The following DSE variants were observed in gnomAD, a reference collection of about 807,000 sequenced individuals.
DSE encodes the protein dermatan-sulfate epimerase.
In DSE, 36 loss-of-function variants were observed where a neutral mutation model predicts 84.4. That is an observed-to-expected ratio of 0.43 (90% CI 0.33 to 0.56). The LOEUF (loss-of-function observed/expected upper bound fraction) is 0.56. Ranked by LOEUF, DSE falls within the 20% of genes least tolerant of loss-of-function variation. DSE has a pLI of 0.06. For missense variants in DSE, 862 were observed against 1,169.6 expected, an observed-to-expected ratio of 0.74 and a Z score of 3.84; for synonymous variants, 410 against 430.1, an observed-to-expected ratio of 0.95 and a Z score of 0.58.
rs940358177 is a variant in DSE at position 116,371,462 on chromosome 6, C to A, written c.-54+341C>A. Among the ~76,000 whole-genome samples the A allele has an allele frequency of 2.6e-5, 4 of 152,362 alleles. No homozygotes were observed. The South Asian group carries it at 8.3e-4, about 32-fold the overall frequency. ...CATTCCGTGCGTCGGATCTGGCCGG[C>A]CCAGCCGCGATTTCCTCGACGGTCC... On this transcript the variant is annotated intron_variant, in intron 1 of 5. Coordinates refer to ENST00000644252, the MANE Select transcript of DSE (RefSeq NM_013352.4).
At chr6:116,416,349 C>CTGTGTGTGTGTGTGTGTG (rs59237926) in intron 2 of DSE, among the ~76,000 whole-genome samples, 46 of 134,038 alleles carry the variant, frequency 3.4e-4, no homozygotes, top group Non-Finnish European at 8.0e-5. Flanking sequence ...CTAATTGCCA[C>CTGTGTGTGTGTGTGTGTG]TGTGTGTGTG....
chr6:116,312,358 A>C (rs1582996755), intron 2 of DSE, among the ~76,000 whole-genome samples: 1 of 152,226 alleles, frequency 6.6e-6, no homozygotes, highest in East Asian at 1.9e-4. Flanking sequence ...GTTTAGAGGA[A>C]GATAAGTTAC....
intron 2 of DSE, among the ~76,000 whole-genome samples, chr6:116,337,199 G>T (rs1196236106): frequency 6.6e-6 from 1 of 152,098 alleles, no homozygotes; most frequent in Non-Finnish European, 1.5e-5. Flanking sequence ...CCAGAACCCT[G>T]GCTCCTCACT....
In DSE at chr6:116,440,541, G is replaced by C. The variant is rs959962568; in HGVS notation, c.*3196G>C. On this transcript the variant is annotated 3_prime_UTR_variant, in exon 6 of 6. Coordinates refer to ENST00000644252, the MANE Select transcript of DSE (RefSeq NM_013352.4). ...TTCTCCAAGTGTTAAGAGAAAGCAA[G>C]CTATGAAATGCTATATTTGTAGGCT... 26 of 152,132 alleles carry C rather than the reference G, an allele frequency of 1.7e-4. No individual in the cohort carries two copies. The highest frequency in any genetic ancestry group is 6.0e-4 in the African/African-American group (25 of 41,422). The allele number at this position is 152,132 out of a possible 1,614,324, so 9.4% of individuals were successfully genotyped here.
At chr6:116,398,407 C>T (rs985389625) in intron 1 of DSE, among the ~76,000 whole-genome samples, 1 of 152,128 alleles carries the variant, frequency 6.6e-6, no homozygotes, top group Non-Finnish European at 1.5e-5. Flanking sequence ...ACACCAAAAT[C>T]CCATATGCCA....
rs567595003 is a variant in DSE at position 116,324,239 on chromosome 6, A to G, written c.-54+65272A>G. Among the ~76,000 whole-genome samples, 55 of 152,318 alleles carry G rather than the reference A, an allele frequency of 3.6e-4. 1 individual carries two copies. Among genetic ancestry groups the G allele is most frequent in the African/African-American group, 1.3e-3 (54 of 41,564 alleles). On this transcript the variant is annotated intron_variant, in intron 2 of 3. Transcript: ENST00000430252. The stretch of plus-strand genomic sequence containing the variant: ...GACTTCACTTATATCTTACTTCATC[A>G]GCTTGCCATTGGCAGGTGGGCAGAT...
intron 1 of DSE, among the ~76,000 whole-genome samples, chr6:116,394,285 G>A (rs1212688317): frequency 2.0e-5 from 3 of 152,048 alleles, no homozygotes; most frequent in Non-Finnish European, 2.9e-5. Flanking sequence ...AATAATTTGG[G>A]GCCTATCTTT....
At chr6:116,431,456 C>A (rs1783837377) in intron 4 of DSE, among the ~76,000 whole-genome samples, 1 of 151,212 alleles carries the variant, frequency 6.6e-6, no homozygotes. Flanking sequence ...CCCCTCAATA[C>A]TTTTTTTTTA....
intron 2 of DSE, among the ~76,000 whole-genome samples, chr6:116,282,425 A>G (rs1489938360): frequency 6.6e-6 from 1 of 152,098 alleles, no homozygotes; most frequent in African/African-American, 2.4e-5. Flanking sequence ...TTATTTGTCA[A>G]AGAAGCCATT....
At chr6:116,349,083 G>A (rs372967291) in intron 2 of DSE, among the ~76,000 whole-genome samples, 4 of 151,982 alleles carry the variant, frequency 2.6e-5, no homozygotes, top group East Asian at 1.9e-4. Context: ...AAACCTGCAC[G>A]TTGTTCTCAT....
intron 2 of DSE, among the ~76,000 whole-genome samples, chr6:116,282,461 T>TA (rs1370782448): frequency 1.3e-5 from 2 of 152,228 alleles, no homozygotes; most frequent in Non-Finnish European, 2.9e-5. Context: ...TTAACACTCT[T>TA]ACCAGTAATG....
intron 2 of DSE, among the ~76,000 whole-genome samples, chr6:116,330,385 T>C (rs1776866497): frequency 6.6e-6 from 1 of 152,224 alleles, no homozygotes; most frequent in Non-Finnish European, 1.5e-5. Flanking sequence ...TGCCACTGCA[T>C]GCGTCTATTC....
chr6:116,317,625 G>T (rs1255235063), intron 2 of DSE, among the ~76,000 whole-genome samples: 1 of 152,160 alleles, frequency 6.6e-6, no homozygotes, highest in African/African-American at 2.4e-5. Flanking sequence ...TGTGTTGTTT[G>T]TATCATGTAT....
At chr6:116,340,823 C>T (rs1777546105) in intron 2 of DSE, among the ~76,000 whole-genome samples, 1 of 152,110 alleles carries the variant, frequency 6.6e-6, no homozygotes, top group Admixed American at 6.6e-5. Flanking sequence ...TGAACTCATC[C>T]TTTTTTATGG....
In DSE at chr6:116,435,851, T is replaced by A. The variant is rs200485959; in HGVS notation, c.1383T>A (p.Ala461=). Residue 461 remains alanine, a synonymous_variant, in exon 6 of 6, where the codon GCT becomes GCA. Coordinates refer to ENST00000644252, the MANE Select transcript of DSE (RefSeq NM_013352.4). ...EHPDQNSFTF[A]PNGVPFITEA... ...CTGATCAAAACTCATTTACTTTTGC[T>A]CCCAATGGTGTGCCTTTCATTACTG... 302 of 1,614,190 alleles carry A rather than the reference T, an allele frequency of 1.9e-4. 1 individual carries two copies. Among genetic ancestry groups the A allele is most frequent in the Non-Finnish European group, 2.5e-4 (293 of 1,180,028 alleles).
chr6:116,392,949 G>A (rs1185307074), intron 1 of DSE, among the ~76,000 whole-genome samples: 1 of 152,156 alleles, frequency 6.6e-6, no homozygotes, highest in Admixed American at 6.5e-5. Context: ...CAGTGATGGA[G>A]CCAGGACCAG....
In DSE at chr6:116,401,806, A is replaced by G. The variant is rs1781612051; in HGVS notation, c.416+2140A>G. ...ATTCTCACTATGTACCAAGAAGTACACAATGAGTATTGTCATTGACTTAGG... is the reference window on the plus strand; with the variant it reads ...ATTCTCACTATGTACCAAGAAGTACGCAATGAGTATTGTCATTGACTTAGG... On this transcript the variant is annotated intron_variant, in intron 2 of 5. Transcript: ENST00000644252. Among the ~76,000 whole-genome samples the G allele has an allele frequency of 2.0e-5, 3 of 152,200 alleles. No individual in the cohort carries two copies. The South Asian group carries it at 6.2e-4, about 31-fold the overall frequency.
chr6:116,254,575 A>G (rs985475322), intron 1 of DSE, among the ~76,000 whole-genome samples: 10 of 152,208 alleles, frequency 6.6e-5, no homozygotes, highest in Non-Finnish European at 1.3e-4. Context: ...AGCAGCTGAA[A>G]GGCAAACTTC....
At chr6:116,378,716 AAATT>A (rs1451587217) in intron 1 of DSE, among the ~76,000 whole-genome samples, 8 of 152,220 alleles carry the variant, frequency 5.3e-5, no homozygotes, top group East Asian at 1.9e-4. Flanking sequence ...TGTCACAATC[AAATT>A]AATTAACACA....
Sources: allele counts gnomAD v4.1 joint callset (sites outside exome capture counted in the v4.1 genomes callset), GRCh38; gene constraint gnomAD v4.1.1; transcripts MANE v1.5; gene names NCBI Gene and HGNC (gene_info 2026-07-23, HGNC 2026-07-21).